Variants in RP1 observed in about 807,000 individuals in gnomAD.
RP1 encodes RP1 axonemal microtubule associated.
A neutral mutation model predicts 14.8 loss-of-function variants in RP1; 16 were observed. The observed-to-expected ratio is 1.08, with a 90% CI of 0.73 to 1.65. The LOEUF (loss-of-function observed/expected upper bound fraction) is 1.65, where lower values mean the gene tolerates loss of function less well. Ranked by LOEUF, RP1 falls within the 40% of genes most tolerant of loss-of-function variation. The pLI, the probability that RP1 is intolerant of heterozygous loss-of-function variation, is 0.00. For synonymous variants in RP1, 876 were observed against 883.6 expected (o/e 0.99, Z 0.15); for missense variants, 2,631 against 2,535.0 (o/e 1.04, Z -0.81).
intron 26 of RP1, chr8:54,852,875 T>G: frequency 1.9e-6 from 1 of 533,894 alleles, no homozygotes; most frequent in African/African-American, 2.0e-5. Context: ...TTAGTGTGCA[T>G]GTTATTGTTC....
intron 25 of RP1, among the ~76,000 whole-genome samples, chr8:54,841,383 C>T (rs1433622224): frequency 3.9e-5 from 6 of 152,168 alleles, no homozygotes; most frequent in Non-Finnish European, 8.8e-5. Flanking sequence ...CCTAGGGATG[C>T]ACTTGAGGGT....
At chr8:54,695,711 A>G (rs1422899587) in intron 12 of RP1, among the ~76,000 whole-genome samples, 2 of 152,166 alleles carry the variant, frequency 1.3e-5, no homozygotes, top group African/African-American at 4.8e-5. Flanking sequence ...TGATGAGGAA[A>G]TTGACAGAGA....
exon 15 of RP1, chr8:54,706,516 G>A: frequency 6.5e-7 from 1 of 1,535,928 alleles, no homozygotes; most frequent in Non-Finnish European, 8.7e-7. Context: ...CAGCCTGATG[G>A]AAGCTGCACT....
intron 23 of RP1, among the ~76,000 whole-genome samples, chr8:54,777,584 A>G (rs1053019170): frequency 2.0e-5 from 3 of 152,178 alleles, no homozygotes; most frequent in Admixed American, 6.6e-5. Context: ...ATTGCTTTAC[A>G]TGTATAATAG....
chr8:54,766,528 G>A (rs1278073173), intron 22 of RP1, among the ~76,000 whole-genome samples: 1 of 152,176 alleles, frequency 6.6e-6, no homozygotes, highest in Non-Finnish European at 1.5e-5. Flanking sequence ...GTGCAGGGAT[G>A]AGTCTTGTTC....
chr8:54,613,675 G>T (rs396881), upstream of RP1, among the ~76,000 whole-genome samples: 37,682 of 152,034 alleles, frequency 0.25, 5,071 homozygotes, highest in East Asian at 0.46. Context: ...TTCAAGAAAG[G>T]TTTCTGAGAT....
At chr8:54,793,588 C>T (rs1810518275) in intron 24 of RP1, among the ~76,000 whole-genome samples, 1 of 151,850 alleles carries the variant, frequency 6.6e-6, no homozygotes, top group Non-Finnish European at 1.5e-5. Flanking sequence ...ATGTGATCAT[C>T]TCAACAGATA....
chr8:54,756,823 C>T (rs1809517911), intron 21 of RP1, among the ~76,000 whole-genome samples: 1 of 152,148 alleles, frequency 6.6e-6, no homozygotes, highest in African/African-American at 2.4e-5. Flanking sequence ...TGCAGCAGTG[C>T]TGTATCATGG....
At chr8:54,708,832 C>A (rs945455144) in intron 15 of RP1, among the ~76,000 whole-genome samples, 1 of 151,316 alleles carries the variant, frequency 6.6e-6, no homozygotes, top group Non-Finnish European at 1.5e-5. Flanking sequence ...GCTTTTTCTT[C>A]CTATTTGTGC....
intron 1 of RP1, among the ~76,000 whole-genome samples, chr8:54,568,880 GT>G (rs779395483): frequency 1.2e-4 from 19 of 152,152 alleles, no homozygotes; most frequent in Admixed American, 5.2e-4. Context: ...TCCACCACTT[GT>G]TTTTTTGTAT....
intron 15 of RP1, among the ~76,000 whole-genome samples, chr8:54,708,883 GA>G (rs1203286226): frequency 6.6e-6 from 1 of 152,178 alleles, no homozygotes; most frequent in Non-Finnish European, 1.5e-5. Flanking sequence ...TGAGGGACTG[GA>G]AGAAGTCCTT....
chr8:54,829,214 C>A (rs1307019640), intron 24 of RP1, among the ~76,000 whole-genome samples: 2 of 152,098 alleles, frequency 1.3e-5, no homozygotes, highest in Non-Finnish European at 2.9e-5. Context: ...TATATAATTT[C>A]TAGATAGGAA....
chr8:54,719,463 C>G (rs1165961832), intron 15 of RP1, among the ~76,000 whole-genome samples: 1 of 152,148 alleles, frequency 6.6e-6, no homozygotes, highest in African/African-American at 2.4e-5. Flanking sequence ...AAATTTTAAT[C>G]CATCCTTACA....
chr8:54,807,090 T>A (rs993709991), intron 24 of RP1, among the ~76,000 whole-genome samples: 3 of 152,230 alleles, frequency 2.0e-5, no homozygotes, highest in Non-Finnish European at 4.4e-5. Flanking sequence ...TTGTTTGAGG[T>A]ATTCTACTTG....
intron 1 of RP1, among the ~76,000 whole-genome samples, chr8:54,578,560 A>C (rs956628716): frequency 2.0e-5 from 3 of 152,172 alleles, no homozygotes; most frequent in Non-Finnish European, 2.9e-5. Context: ...TTCCAAAAGC[A>C]GTTCTACATC....
intron 1 of RP1, among the ~76,000 whole-genome samples, chr8:54,577,562 A>C: frequency 7.4e-6 from 1 of 134,694 alleles, no homozygotes; most frequent in Non-Finnish European, 1.8e-5. Context: ...CCCACTTCTT[A>C]AGTCGTGTGT....
chr8:54,730,884 G>A (rs1014064333), intron 17 of RP1, among the ~76,000 whole-genome samples: 9 of 152,004 alleles, frequency 5.9e-5, no homozygotes, highest in Admixed American at 1.3e-4. Flanking sequence ...TAACTATAGG[G>A]GGATGCTTTC....
At chr8:54,656,882 T>TA (rs1196262816) in intron 6 of RP1, among the ~76,000 whole-genome samples, 2 of 151,730 alleles carry the variant, frequency 1.3e-5, no homozygotes, top group African/African-American at 4.8e-5. Flanking sequence ...TATGTTCTGT[T>TA]AAAAATGTGA....
At chr8:54,828,765 C>A (rs922255093) in intron 24 of RP1, among the ~76,000 whole-genome samples, 1 of 151,890 alleles carries the variant, frequency 6.6e-6, no homozygotes, top group Admixed American at 6.6e-5. Context: ...ACCACAAACA[C>A]GTGAGTAATG....
Sources: gnomAD v4.1 joint callset for allele counts (sites outside exome capture counted in the v4.1 genomes callset) on GRCh38, gnomAD v4.1.1 for gene constraint, MANE v1.5 for transcripts, NCBI Gene and HGNC (gene_info 2026-07-23, HGNC 2026-07-21) for gene names.